The following PKIB variants were observed in gnomAD, a reference collection of about 807,000 sequenced individuals.
PKIB encodes the protein PKI-beta.
PKIB carries 2 observed loss-of-function variants against 4.5 expected under a neutral mutation model. That is an observed-to-expected ratio of 0.44 (90% CI 0.18 to 1.39). The LOEUF (loss-of-function observed/expected upper bound fraction) is 1.39, where lower values mean the gene tolerates loss of function less well. Among genes scored for constraint, PKIB ranks in the 40% most tolerant of loss-of-function variants. The probability of loss-of-function intolerance (pLI) is 0.27; values close to 1 mark genes in which losing one functional copy is unlikely to be tolerated. For missense variants in PKIB, 94 were observed against 92.6 expected (o/e 1.02, Z -0.06); for synonymous variants, 38 against 36.0 (o/e 1.06, Z -0.20).
chr6:122,489,687 G>A (rs965634174), intron 2 of PKIB, among the ~76,000 whole-genome samples: 1 of 152,202 alleles, frequency 6.6e-6, no homozygotes, highest in African/African-American at 2.4e-5. Flanking sequence ...TTTTCATAGA[G>A]CAAAAGCTTT....
At chr6:122,557,324 A>C (rs1043420852) in intron 2 of PKIB, among the ~76,000 whole-genome samples, 1 of 152,170 alleles carries the variant, frequency 6.6e-6, no homozygotes, top group African/African-American at 2.4e-5. Context: ...TTTCAACTCA[A>C]CCGATACCTG....
intron 1 of PKIB, among the ~76,000 whole-genome samples, chr6:122,618,394 CAT>C (rs1775079313): frequency 6.6e-6 from 1 of 152,004 alleles, no homozygotes; most frequent in Admixed American, 6.6e-5. Flanking sequence ...AATTATTCCA[CAT>C]GTTACTTTCT....
intron 2 of PKIB, among the ~76,000 whole-genome samples, chr6:122,529,634 CT>C (rs1777195160): frequency 6.6e-6 from 1 of 152,118 alleles, no homozygotes; most frequent in Admixed American, 6.6e-5. Context: ...ACTCCCTCAC[CT>C]TTTGCTTGGT....
chr6:122,558,726 A>G (rs796523522), intron 2 of PKIB, among the ~76,000 whole-genome samples: 74 of 152,186 alleles, frequency 4.9e-4, no homozygotes, highest in African/African-American at 1.4e-3. Context: ...CTATTTTTTT[A>G]AATTTTATTT....
chr6:122,562,006 T>TG (rs956732732), intron 2 of PKIB, among the ~76,000 whole-genome samples: 10 of 142,098 alleles, frequency 7.0e-5, no homozygotes, highest in African/African-American at 2.1e-4. Context: ...TTTTTTTTGT[T>TG]TTTTTTTTTT....
At chr6:122,487,557 C>T (rs865897303) in intron 2 of PKIB, among the ~76,000 whole-genome samples, 6 of 152,122 alleles carry the variant, frequency 3.9e-5, no homozygotes, top group Admixed American at 1.3e-4. Context: ...AGCTAACTAG[C>T]GCTTCTACCA....
intron 2 of PKIB, among the ~76,000 whole-genome samples, chr6:122,539,577 G>T (rs1396404511): frequency 2.0e-5 from 3 of 152,006 alleles, no homozygotes; most frequent in Non-Finnish European, 4.4e-5. Context: ...TGCTGAATTC[G>T]GTTTGCCAGT....
chr6:122,516,277 C>G (rs1776748913), intron 2 of PKIB, among the ~76,000 whole-genome samples: 1 of 152,112 alleles, frequency 6.6e-6, no homozygotes, highest in Non-Finnish European at 1.5e-5. Context: ...GGTGAATTCA[C>G]TCATCCTCAC....
chr6:122,534,084 G>T (rs1470004162), intron 2 of PKIB, among the ~76,000 whole-genome samples: 1 of 150,480 alleles, frequency 6.6e-6, no homozygotes, highest in South Asian at 2.1e-4. Context: ...TTTAAATAAT[G>T]ACAGCAATAA....
intron 2 of PKIB, among the ~76,000 whole-genome samples, chr6:122,496,133 C>G (rs1359089744): frequency 6.6e-6 from 1 of 152,174 alleles, no homozygotes; most frequent in Non-Finnish European, 1.5e-5. Flanking sequence ...ATCAGGTACA[C>G]AACTACCTGC....
chr6:122,608,574 T>C (rs1774622872), upstream of PKIB, among the ~76,000 whole-genome samples: 1 of 152,212 alleles, frequency 6.6e-6, no homozygotes, highest in Non-Finnish European at 1.5e-5. Context: ...ATTCTATAAA[T>C]AGTGTTCTTA....
chr6:122,473,529 A>G lies in PKIB; in HGVS notation c.-337+1488A>G, dbSNP rs140541744. ...TTTACTTTTATTTAACCTGTAGGCT[A>G]TGTGGAGTGGAATTTGCTCACTTAA... On this transcript the variant is annotated intron_variant, in intron 1 of 6. Transcript: ENST00000392491. Among the ~76,000 whole-genome samples the G allele has an allele frequency of 1.3e-3, 204 of 152,300 alleles. 2 individuals are homozygous for G. The highest frequency in any genetic ancestry group is 4.6e-3 in the African/African-American group (193 of 41,564).
At chr6:122,646,479 C>T (rs1776321908) in intron 2 of PKIB, among the ~76,000 whole-genome samples, 1 of 152,144 alleles carries the variant, frequency 6.6e-6, no homozygotes, top group African/African-American at 2.4e-5. Context: ...ATGAAACCCT[C>T]AAAACAAAAT....
intron 2 of PKIB, among the ~76,000 whole-genome samples, chr6:122,509,789 A>G (rs113986292): frequency 6.0e-4 from 92 of 152,304 alleles, no homozygotes; most frequent in African/African-American, 1.9e-3. Context: ...TGTGGCAAAA[A>G]GGACCACTTA....
chr6:122,633,929 C>CCTATCTATCTATCTATCTAT (rs61254507), intron 2 of PKIB, among the ~76,000 whole-genome samples: 184 of 145,974 alleles, frequency 1.3e-3, no homozygotes, highest in South Asian at 1.8e-3. Flanking sequence ...AGATATCTGT[C>CCTATCTATCTATCTATCTAT]CTATCTATCT....
At chr6:122,575,531 C>A (rs1027097801) in intron 2 of PKIB, among the ~76,000 whole-genome samples, 9 of 151,762 alleles carry the variant, frequency 5.9e-5, no homozygotes, top group Admixed American at 1.3e-4. Flanking sequence ...GCCCATTGAC[C>A]AACGAGTGGA....
chr6:122,626,377 G>A (rs530350932), intron 1 of PKIB, among the ~76,000 whole-genome samples: 1 of 152,126 alleles, frequency 6.6e-6, no homozygotes, highest in African/African-American at 2.4e-5. Flanking sequence ...ACAGTATATT[G>A]TCCTAAGTCC....
chr6:122,520,249 G>A (rs1776892621), intron 2 of PKIB, among the ~76,000 whole-genome samples: 1 of 152,024 alleles, frequency 6.6e-6, no homozygotes, highest in East Asian at 1.9e-4. Flanking sequence ...TAGAAGAAAA[G>A]AGCCATGCAT....
intron 2 of PKIB, among the ~76,000 whole-genome samples, chr6:122,535,855 A>G (rs1777390452): frequency 6.6e-6 from 1 of 152,220 alleles, no homozygotes; most frequent in African/African-American, 2.4e-5. Context: ...AAGCACAAGT[A>G]CTGTACTTGG....
Sources: gnomAD v4.1 joint callset for allele counts (sites outside exome capture counted in the v4.1 genomes callset) on GRCh38, gnomAD v4.1.1 for gene constraint, MANE v1.5 for transcripts, NCBI Gene and HGNC (gene_info 2026-07-23, HGNC 2026-07-21) for gene names.